The following UNC80 variants were observed in gnomAD, a reference collection of about 807,000 sequenced individuals.
The protein encoded by UNC80 is unc-80 subunit of NALCN channel complex.
Under a neutral mutation model 384.6 loss-of-function variants are expected in UNC80, and 164 were observed. The ratio of observed to expected loss-of-function variants is 0.43; its 90% CI spans 0.38 to 0.49. The LOEUF is 0.49. Ranked by LOEUF, UNC80 falls within the 20% of genes least tolerant of loss-of-function variation. The pLI, the probability that UNC80 is intolerant of heterozygous loss-of-function variation, is 0.00. For missense variants in UNC80, 3,330 were observed against 4,143.0 expected, an observed-to-expected ratio of 0.80 and a Z score of 5.39; for synonymous variants, 1,486 against 1,527.8, an observed-to-expected ratio of 0.97 and a Z score of 0.64.
chr2:209,809,755 C>A (rs557072187), intron 7 of UNC80, among the ~76,000 whole-genome samples: 2 of 152,180 alleles, frequency 1.3e-5, no homozygotes, highest in Admixed American at 1.3e-4. Context: ...AACCATTTTC[C>A]GGTTCTGTTT....
At chr2:209,785,991 T>C in intron 4 of UNC80, 75 bp from the exon 5 acceptor site, 2 of 1,506,184 alleles carry the variant, frequency 1.3e-6, no homozygotes, top group Non-Finnish European at 1.8e-6. Flanking sequence ...GTGATGTTAA[T>C]CCTTGCATTG....
chr2:209,847,794 A>G lies in UNC80; in HGVS notation c.3455-1657A>G, dbSNP rs775229142. 1.4e-4 allele frequency among the ~76,000 whole-genome samples: 22 copies of G among 152,072 alleles called. 1 individual carries two copies. Among genetic ancestry groups the G allele is most frequent in the Non-Finnish European group, 2.8e-4 (19 of 67,952 alleles). ...TTCTTAATAAATTTGATAAATAAGA[A>G]TAACTTCATTGATCATCTATCTGGT... On this transcript the variant is annotated intron_variant, in intron 21 of 64. Transcript: ENST00000673920.
intron 47 of UNC80, chr2:209,951,350 T>G (rs2092176330): frequency 6.6e-6 from 1 of 151,688 alleles, no homozygotes; most frequent in African/African-American, 2.4e-5. Flanking sequence ...CAGGCTGGAG[T>G]GCAGTGGCAC....
chr2:209,993,389 C>T lies in UNC80; in HGVS notation c.9471C>T (p.Thr3157=), dbSNP rs745339116. 413 of 1,551,712 alleles carry T rather than the reference C, an allele frequency of 2.7e-4. 1 individual carries two copies. The highest frequency in any genetic ancestry group is 3.3e-4 in the Non-Finnish European group (384 of 1,146,966). ...ATCGCCAAGGGGCTCGGCTGTCAAC[C>T]ACTCGCAGGAGCATTCAACCTAAAA... ...PRNRQGARLS[T]TRRSIQPKTK... The change falls in exon 63 of 65, where the codon ACC becomes ACT. Residue 3157 remains threonine, a synonymous_variant. Transcript: ENST00000673920.
chr2:209,913,223 A>C (rs549000043), intron 30 of UNC80, among the ~76,000 whole-genome samples: 78 of 152,286 alleles, frequency 5.1e-4, no homozygotes, highest in African/African-American at 1.9e-3. Context: ...CCCCAAAAAA[A>C]TTGTTCATAT....
chr2:209,967,384 G>T, intron 51 of UNC80, 53 bp from the exon 52 acceptor site: 2 of 1,325,310 alleles, frequency 1.5e-6, no homozygotes, highest in Non-Finnish European at 2.0e-6. Flanking sequence ...AATTCCTGTT[G>T]TGTAATTCTA....
At position 209,922,349 on chromosome 2, in the gene UNC80, A is replaced by G. The variant is rs1408479289; in HGVS notation, c.5628A>G (p.Ser1876=). 8 of 1,551,730 alleles carry G rather than the reference A, an allele frequency of 5.2e-6. No individual in the cohort carries two copies. Among genetic ancestry groups the G allele is most frequent in the Non-Finnish European group, 7.0e-6 (8 of 1,147,010 alleles). Residue 1876 remains serine, a synonymous_variant, in exon 35 of 65, where the codon TCA becomes TCG. Coordinates refer to ENST00000673920, the MANE Select transcript of UNC80 (RefSeq NM_001371986.1). ...SHRNYSFRRG[S]VWSVRSAVSA... is the part of the protein sequence containing the mutation. ...GGAATTATTCCTTCCGCCGCGGGTC[A>G]GTCTGGTCAGTGCGTTCAGCCGTCA...
At position 209,865,956 on chromosome 2, in the gene UNC80, T is replaced by A. The variant is rs78821020; in HGVS notation, c.3628-6802T>A. The stretch of plus-strand genomic sequence containing the variant: ...TCAAAGATATTATCTCATTCCTTTC[T>A]GGCTTAATTGACAATCCTTTATAGG... On this transcript the variant is annotated intron_variant, in intron 22 of 64. Coordinates refer to ENST00000673920, the MANE Select transcript of UNC80 (RefSeq NM_001371986.1). Among the ~76,000 whole-genome samples the A allele has an allele frequency of 4.7e-4, 71 of 152,350 alleles. 1 individual carries two copies. Among genetic ancestry groups the A allele is most frequent in the African/African-American group, 1.7e-3 (70 of 41,592 alleles).
In UNC80 at chr2:209,839,210, G is replaced by T. The variant is rs1042245508; in HGVS notation, c.3042-12G>T. The T allele has an allele frequency of 5.2e-6, 8 of 1,550,640 alleles. No individual in the cohort carries two copies. The African/African-American group carries it at 9.6e-5, about 19-fold the overall frequency. ...TGTCAGAAGTTTAACCCTATCCTCT[G>T]CTTGCCTACAGCGATGAACAAATGC... On this transcript the variant is annotated splice_polypyrimidine_tract_variant and intron_variant, in intron 18 of 64. Coordinates refer to ENST00000673920, the MANE Select transcript of UNC80 (RefSeq NM_001371986.1). This position sits in a 1 kb window ranked among gnomAD's most constrained non-coding sequence, Gnocchi z 4.1.
chr2:209,987,421 C>T (rs2093311154), intron 61 of UNC80, among the ~76,000 whole-genome samples: 2 of 152,250 alleles, frequency 1.3e-5, no homozygotes, highest in South Asian at 4.1e-4. Flanking sequence ...AAGATGAAAT[C>T]ATATTCCATG....
intron 35 of UNC80, among the ~76,000 whole-genome samples, chr2:209,923,769 T>G (rs1307298180): frequency 6.6e-6 from 1 of 152,212 alleles, no homozygotes; most frequent in African/African-American, 2.4e-5. Context: ...ATGGCATATC[T>G]TCTTTCATCC....
chr2:209,954,476 A>G, intron 48 of UNC80: 1 of 389,154 alleles, frequency 2.6e-6, no homozygotes, highest in Non-Finnish European at 4.5e-6. Flanking sequence ...GATTAGTAGT[A>G]GTATAATAAT....
intron 28 of UNC80, 29 bp downstream of exon 28, chr2:209,896,442 A>T (rs2124918690): frequency 6.5e-7 from 1 of 1,530,914 alleles, no homozygotes; most frequent in South Asian, 1.2e-5. Context: ...AACAGCCCTG[A>T]GATCAATTTC....
intron 23 of UNC80, among the ~76,000 whole-genome samples, chr2:209,874,115 TAA>T (rs1316035978): frequency 1.3e-5 from 2 of 152,210 alleles, no homozygotes; most frequent in Non-Finnish European, 2.9e-5. Flanking sequence ...TTCTCCTATG[TAA>T]TATCTATTTT....
In UNC80 at chr2:209,959,289, T is replaced by C. The variant is rs1041205860; in HGVS notation, c.7586+135T>C. 1.9e-4 allele frequency: 234 copies of C among 1,221,244 alleles called. No individual in the cohort carries two copies. In the South Asian group the frequency reaches 3.1e-3, roughly 16 times the overall value. 75.7% of individuals were successfully genotyped at this position (1,221,244 alleles called of 1,614,324 possible). On this transcript the variant is annotated intron_variant, in intron 50 of 64. Coordinates refer to ENST00000673920, the MANE Select transcript of UNC80 (RefSeq NM_001371986.1). ...TTCTGGGTAAACCCCCAAAAGTGGG[T>C]TTACTACAGTTTGGGATGACAGTCT... is the stretch of plus-strand genomic sequence containing the variant.
At chr2:209,875,444 C>G (rs2084693452) in intron 23 of UNC80, among the ~76,000 whole-genome samples, 1 of 152,102 alleles carries the variant, frequency 6.6e-6, no homozygotes, top group African/African-American at 2.4e-5. Flanking sequence ...CAATAATAAT[C>G]AGTTCTGACA....
chr2:209,839,558 C>CGAA lies in UNC80; in HGVS notation c.3250+128_3250+129insGAA, dbSNP rs2081589157. The CGAA allele has an allele frequency of 1.1e-6, 1 of 932,426 alleles. No homozygotes were observed. Among genetic ancestry groups the CGAA allele is most frequent in the Admixed American group, 2.6e-5 (1 of 38,030 alleles). The allele number at this position is 932,426 out of a possible 1,614,324, so 57.8% of individuals were successfully genotyped here. On this transcript the variant is annotated intron_variant, in intron 19 of 64. Transcript: ENST00000673920. The surrounding 1 kb of genome is among the most constrained non-coding windows in gnomAD (Gnocchi z 4.1). ...TCATAAGACCTAGACTGACTTCATT[C>CGAA]ATTCATTCATTTAATTTTTCCCACA...
rs750525596 is a variant in UNC80, at chr2:209,984,845, C to A, written c.9258-11C>A. On this transcript the variant is annotated splice_polypyrimidine_tract_variant and intron_variant, in intron 60 of 64. Coordinates refer to ENST00000673920, the MANE Select transcript of UNC80 (RefSeq NM_001371986.1). ...TTCCCTAAATGCTTCATCTCCCTAC[C>A]CCTCCTGCAGTGAACCTAATGTCCT... 5.2e-6 allele frequency: 8 copies of A among 1,544,656 alleles called. No individual in the cohort carries two copies. In the South Asian group the frequency reaches 6.0e-5, roughly 12 times the overall value.
intron 26 of UNC80, among the ~76,000 whole-genome samples, chr2:209,890,634 C>T (rs1247846672): frequency 6.6e-6 from 1 of 152,184 alleles, no homozygotes; most frequent in East Asian, 1.9e-4. Flanking sequence ...TATAGTAACT[C>T]ACTATGTGGC....
Sources: allele counts gnomAD v4.1 joint callset (sites outside exome capture counted in the v4.1 genomes callset), GRCh38; gene constraint gnomAD v4.1.1; non-coding constraint Gnocchi (gnomAD v3.1); transcripts MANE v1.5; gene names NCBI Gene and HGNC (gene_info 2026-07-23, HGNC 2026-07-21).